Variants in TMEM232 observed in about 807,000 individuals in gnomAD.
The protein encoded by TMEM232 is transmembrane protein 232.
A neutral mutation model predicts 78.8 loss-of-function variants in TMEM232; 80 were observed. That is an observed-to-expected ratio of 1.01 (90% CI 0.85 to 1.22). The LOEUF (loss-of-function observed/expected upper bound fraction) is 1.22, where lower values mean the gene tolerates loss of function less well. Ranked by LOEUF, TMEM232 falls within the 50% of genes most tolerant of loss-of-function variation. TMEM232 has a pLI of 0.00. For synonymous variants in TMEM232, 297 were observed against 254.3 expected (o/e 1.17, Z -1.60); for missense variants, 881 against 742.2 (o/e 1.19, Z -2.17).
intron 10 of TMEM232, among the ~76,000 whole-genome samples, chr5:110,581,160 A>T (rs1204035239): frequency 2.0e-5 from 3 of 151,944 alleles, no homozygotes; most frequent in African/African-American, 7.2e-5. Context: ...TAGAAAAAAA[A>T]CACAATTCTA....
intron 12 of TMEM232, among the ~76,000 whole-genome samples, chr5:110,485,607 A>G (rs569262616): frequency 6.3e-4 from 96 of 152,172 alleles, no homozygotes; most frequent in African/African-American, 2.2e-3. Context: ...ATAGTCTCCA[A>G]TCTTATCCAG....
intron 12 of TMEM232, among the ~76,000 whole-genome samples, chr5:110,514,852 T>C (rs1180969760): frequency 6.6e-6 from 1 of 152,196 alleles, no homozygotes; most frequent in African/African-American, 2.4e-5. Context: ...TGACTCTTCT[T>C]TGATATAAAT....
intron 1 of TMEM232, among the ~76,000 whole-genome samples, chr5:110,723,042 T>C (rs1366580303): frequency 6.6e-6 from 1 of 152,202 alleles, no homozygotes; most frequent in Non-Finnish European, 1.5e-5. Context: ...TAGGAAGTAT[T>C]TCCTCTGCTT....
chr5:110,396,298 G>A (rs964435740), intron 3 of TMEM232, among the ~76,000 whole-genome samples: 44 of 152,274 alleles, frequency 2.9e-4, no homozygotes, highest in African/African-American at 9.9e-4. Context: ...ACCTGGACAT[G>A]TGGGGATTAC....
At chr5:110,691,285 C>A (rs1580682852) in intron 1 of TMEM232, among the ~76,000 whole-genome samples, 1 of 152,226 alleles carries the variant, frequency 6.6e-6, no homozygotes, top group South Asian at 2.1e-4. Context: ...TCACAATGAG[C>A]TGATACTGAA....
chr5:110,408,421 G>A (rs1313968942), intron 2 of TMEM232, among the ~76,000 whole-genome samples: 1 of 151,980 alleles, frequency 6.6e-6, no homozygotes, highest in African/African-American at 2.4e-5. Flanking sequence ...GTGAAACCCA[G>A]TCTTTACTAA....
intron 12 of TMEM232, among the ~76,000 whole-genome samples, chr5:110,434,730 G>A (rs1413213905): frequency 6.6e-6 from 1 of 152,078 alleles, no homozygotes; most frequent in East Asian, 1.9e-4. Flanking sequence ...ACCAAATGCG[G>A]CAGCACATCA....
intron 12 of TMEM232, among the ~76,000 whole-genome samples, chr5:110,486,630 G>C (rs1764494284): frequency 6.6e-6 from 1 of 151,816 alleles, no homozygotes; most frequent in Non-Finnish European, 1.5e-5. Context: ...GCTCTAAGTA[G>C]TTGGGTTTAT....
chr5:110,549,139 G>A (rs1432275650), intron 11 of TMEM232, among the ~76,000 whole-genome samples: 1 of 151,746 alleles, frequency 6.6e-6, no homozygotes, highest in Non-Finnish European at 1.5e-5. Flanking sequence ...AATTAATAGT[G>A]TACAAAACAC....
At chr5:110,513,069 T>C (rs1036238198) in intron 12 of TMEM232, among the ~76,000 whole-genome samples, 2 of 152,150 alleles carry the variant, frequency 1.3e-5, no homozygotes, top group African/African-American at 4.8e-5. Context: ...TAATTCCTGC[T>C]CAGACCAAGG....
intron 11 of TMEM232, among the ~76,000 whole-genome samples, chr5:110,544,144 A>T (rs1423157687): frequency 6.6e-6 from 1 of 152,234 alleles, no homozygotes; most frequent in Non-Finnish European, 1.5e-5. Flanking sequence ...TATGAAGATT[A>T]TAAAAATTCA....
chr5:110,687,916 G>C lies in TMEM232; in HGVS notation c.-12-20552C>G, dbSNP rs78622149. On this transcript the variant is annotated intron_variant, in intron 1 of 13. Transcript: ENST00000455884. ...AGTGTGAAGGGAAAGGTGAGGCAAT[G>C]TAACACAATGTCCCTTTTGGAAATA... Among the ~76,000 whole-genome samples the C allele has an allele frequency of 4.6e-5, 7 of 152,204 alleles. No individual in the cohort carries two copies. In the East Asian group the frequency reaches 1.4e-3, roughly 29 times the overall value.
At position 110,400,269 on chromosome 5, in the gene TMEM232, G is replaced by C. The variant is rs144355439; in HGVS notation, n.309-2415C>G. 2.4e-4 allele frequency among the ~76,000 whole-genome samples: 36 copies of C among 152,238 alleles called. No homozygotes were observed. The East Asian group carries it at 4.6e-3, about 20-fold the overall frequency. ...GTAAAACGTGCGATATTGAGCCAAT[G>C]ATTTAAATTCTTCATATGACAGTTT... On this transcript the variant is annotated intron_variant and non_coding_transcript_variant, in intron 2 of 8. Transcript: ENST00000507188.
intron 1 of TMEM232, among the ~76,000 whole-genome samples, chr5:110,672,351 C>T (rs2150149005): frequency 6.6e-6 from 1 of 152,156 alleles, no homozygotes; most frequent in Admixed American, 6.5e-5. Context: ...AATAAAACAT[C>T]AAAAATACAA....
chr5:110,723,387 A>G (rs1056651189), intron 1 of TMEM232, among the ~76,000 whole-genome samples: 1 of 152,132 alleles, frequency 6.6e-6, no homozygotes, highest in African/African-American at 2.4e-5. Context: ...TATCTATTAT[A>G]TTTTTGTATC....
chr5:110,684,610 G>A (rs896685393), intron 1 of TMEM232, among the ~76,000 whole-genome samples: 2 of 152,098 alleles, frequency 1.3e-5, no homozygotes, highest in Non-Finnish European at 2.9e-5. Flanking sequence ...ACAGGAGTTC[G>A]AGTTATTCTT....
At chr5:110,602,897 C>T (rs1781119822) in intron 10 of TMEM232, among the ~76,000 whole-genome samples, 1 of 152,082 alleles carries the variant, frequency 6.6e-6, no homozygotes, top group East Asian at 1.9e-4. Flanking sequence ...AACCCAAATG[C>T]CCATCAATAA....
rs377097975 is a variant in TMEM232, at chr5:110,461,836, T to C, written c.1704-36920A>G. On this transcript the variant is annotated intron_variant, in intron 12 of 13. Coordinates refer to ENST00000455884, the MANE Select transcript of TMEM232 (RefSeq NM_001039763.4). ...AAGCCTAAATGACAGCACATGTTTTTACAGCATGGTTTGCTGAATATTTTA... is the reference window on the plus strand; with the variant it reads ...AAGCCTAAATGACAGCACATGTTTTCACAGCATGGTTTGCTGAATATTTTA... 7.9e-5 allele frequency among the ~76,000 whole-genome samples: 12 copies of C among 152,332 alleles called. 1 individual carries two copies. The highest frequency in any genetic ancestry group is 7.7e-4 in the East Asian group (4 of 5,180).
intron 2 of TMEM232, among the ~76,000 whole-genome samples, chr5:110,665,092 T>C (rs1241959165): frequency 6.6e-6 from 1 of 152,160 alleles, no homozygotes; most frequent in Non-Finnish European, 1.5e-5. Context: ...CCCATAACAA[T>C]AAGCCAACAT....
Sources: allele counts gnomAD v4.1 joint callset (sites outside exome capture counted in the v4.1 genomes callset), GRCh38; gene constraint gnomAD v4.1.1; transcripts MANE v1.5; gene names NCBI Gene and HGNC (gene_info 2026-07-23, HGNC 2026-07-21).